The following ADGB variants were observed in gnomAD, a reference collection of about 807,000 sequenced individuals.
ADGB encodes androglobin, also known as calpain-7-like protein.
ADGB carries 172 observed loss-of-function variants against 210.5 expected under a neutral mutation model. That is an observed-to-expected ratio of 0.82 (90% confidence interval 0.72 to 0.93). The LOEUF is 0.93. Among genes scored for constraint, ADGB ranks in the 40% least tolerant of loss-of-function variants. The probability of loss-of-function intolerance (pLI) is 0.00; values close to 1 mark genes in which losing one functional copy is unlikely to be tolerated. For synonymous variants in ADGB, 658 were observed against 662.7 expected, an observed-to-expected ratio of 0.99 and a Z score of 0.11; for missense variants, 2,025 against 1,964.8, an observed-to-expected ratio of 1.03 and a Z score of -0.58.
intron 2 of ADGB, chr6:146,638,757 A>C (rs550077209): frequency 1.3e-5 from 2 of 151,994 alleles, no homozygotes; most frequent in African/African-American, 4.8e-5. Context: ...AGTATAATAA[A>C]AAAAAAACTG....
chr6:146,691,498 A>ATTT (rs1319836837), intron 11 of ADGB, among the ~76,000 whole-genome samples: 284 of 17,026 alleles, frequency 0.017, 17 homozygotes, highest in Non-Finnish European at 0.02. Context: ...ATATATATAT[A>ATTT]TATTTTTTTT....
chr6:146,687,002 T>C lies in ADGB; in HGVS notation c.1311+1174T>C, dbSNP rs185142732. On this transcript the variant is annotated intron_variant, in intron 10 of 35. Coordinates refer to ENST00000397944, the MANE Select transcript of ADGB (RefSeq NM_024694.4). ...CTGGGGGGCACGTTGCTAACATTTTTCCCTTTCTCTTTCTTCCCATTCTTT... is the reference window on the plus strand; with the variant it reads ...CTGGGGGGCACGTTGCTAACATTTTCCCCTTTCTCTTTCTTCCCATTCTTT... Among the ~76,000 whole-genome samples the C allele has an allele frequency of 4.6e-5, 7 of 152,294 alleles. No individual in the cohort carries two copies. The East Asian group carries it at 1.3e-3, about 29-fold the overall frequency.
At chr6:146,616,265 TG>T (rs1377347391) in intron 1 of ADGB, among the ~76,000 whole-genome samples, 5 of 91,230 alleles carry the variant, frequency 5.5e-5, no homozygotes, top group Admixed American at 1.2e-4. Flanking sequence ...TTGTATTATT[TG>T]GGTTTTTTTT....
intron 1 of ADGB, among the ~76,000 whole-genome samples, chr6:146,625,197 C>T (rs1335546373): frequency 6.6e-6 from 1 of 151,888 alleles, no homozygotes; most frequent in Non-Finnish European, 1.5e-5. Flanking sequence ...TATAAATATG[C>T]CTGTTGATTG....
At chr6:146,768,931 C>A in intron 28 of ADGB, 89 bp from the exon 29 acceptor site, 1 of 609,244 alleles carries the variant, frequency 1.6e-6, no homozygotes, top group Non-Finnish European at 2.7e-6. Context: ...GAAAATTCTG[C>A]ATTTATCATG....
intron 8 of ADGB, 28 bp downstream of exon 8, chr6:146,672,495 T>G (rs773323704): frequency 7.9e-6 from 12 of 1,514,728 alleles, no homozygotes; most frequent in Middle Eastern, 1.7e-4. Flanking sequence ...AAAATGTGAT[T>G]CAGTATGGAC....
chr6:146,788,566 C>T lies in ADGB; in HGVS notation c.4493C>T (p.Pro1498Leu). The T allele has an allele frequency of 6.4e-7, 1 of 1,551,648 alleles. No individual in the cohort carries two copies. The highest frequency in any genetic ancestry group is 1.2e-5 in the South Asian group (1 of 84,044). ...TSSESGGVSS[P>L]GKEEREQSTR... ...AGCGAAAGTGGAGGAGTGTCTTCAC[C>T]AGGGAAAGAAGAGCGCGAGCAGAGC... Residue 1498 changes from proline to leucine, a missense_variant, in exon 33 of 36, where the codon CCA (proline) becomes CTA (leucine). Physicochemically the swap from Pro to Leu is moderately conservative, Grantham distance 98 (BLOSUM62 -3). Transcript: ENST00000397944.
At chr6:146,653,706 G>T (rs1018642148) in intron 3 of ADGB, among the ~76,000 whole-genome samples, 27 of 152,000 alleles carry the variant, frequency 1.8e-4, no homozygotes, top group South Asian at 6.2e-4. Flanking sequence ...GTTTACCTAT[G>T]TAACAAACCC....
intron 1 of ADGB, among the ~76,000 whole-genome samples, chr6:146,626,259 G>A (rs576911502): frequency 4.3e-4 from 65 of 151,802 alleles, no homozygotes; most frequent in African/African-American, 1.1e-3. Context: ...TATAAACCTC[G>A]TATTACATCA....
intron 5 of ADGB, among the ~76,000 whole-genome samples, chr6:146,663,445 A>G (rs1162025069): frequency 6.6e-6 from 1 of 151,716 alleles, no homozygotes; most frequent in East Asian, 1.9e-4. Flanking sequence ...TGGAAGAGAA[A>G]AACTTTGGTT....
Position 146,654,124 on chromosome 6 carries a change from A to AT in ADGB, c.331-4dup. The AT allele has an allele frequency of 5.4e-6, 8 of 1,478,376 alleles. No individual in the cohort carries two copies. The highest frequency in any genetic ancestry group is 2.5e-5 in the East Asian group (1 of 40,274). 91.6% of individuals were successfully genotyped at this position (1,478,376 alleles called of 1,614,324 possible). The stretch of plus-strand genomic sequence containing the variant: ...CTTATGGAGTAATATATACATATAT[A>AT]TTTTTTTCAGACTCCAGTAGTTGTG... On this transcript the variant is annotated splice_polypyrimidine_tract_variant and intron_variant, in intron 3 of 35. Transcript: ENST00000397944.
At chr6:146,740,436 A>G in intron 23 of ADGB, 23 bp from the exon 24 acceptor site, 1 of 1,502,320 alleles carries the variant, frequency 6.7e-7, no homozygotes, top group Non-Finnish European at 8.9e-7. Context: ...CCATTGATAC[A>G]TAATTTATTT....
At chr6:146,808,681 A>G (rs951674287) in intron 35 of ADGB, among the ~76,000 whole-genome samples, 2 of 152,124 alleles carry the variant, frequency 1.3e-5, no homozygotes, top group Non-Finnish European at 2.9e-5. Context: ...TTCTACTGTT[A>G]ATCTTTGTTA....
chr6:146,796,903 C>T (rs932451607), intron 33 of ADGB, among the ~76,000 whole-genome samples: 1 of 152,102 alleles, frequency 6.6e-6, no homozygotes, highest in Non-Finnish European at 1.5e-5. Flanking sequence ...GCAGAGTAAA[C>T]AGACAACTCA....
At chr6:146,617,145 T>G (rs1408880107) in intron 1 of ADGB, among the ~76,000 whole-genome samples, 1 of 152,150 alleles carries the variant, frequency 6.6e-6, no homozygotes, top group Non-Finnish European at 1.5e-5. Flanking sequence ...TAGTTTTCTT[T>G]GTAGAGATCA....
At chr6:146,656,088 G>A (rs1332101012) in intron 4 of ADGB, among the ~76,000 whole-genome samples, 1 of 152,134 alleles carries the variant, frequency 6.6e-6, no homozygotes, top group Non-Finnish European at 1.5e-5. Context: ...ATGAAGAACT[G>A]CAACTTAGAG....
At chr6:146,606,514 T>C (rs868733090) in intron 1 of ADGB, among the ~76,000 whole-genome samples, 1 of 152,186 alleles carries the variant, frequency 6.6e-6, no homozygotes, top group African/African-American at 2.4e-5. Context: ...TCTTCTAGGG[T>C]GTTTTTTCAA....
chr6:146,705,481 C>A (rs1776556741), intron 13 of ADGB, among the ~76,000 whole-genome samples: 1 of 152,026 alleles, frequency 6.6e-6, no homozygotes, highest in African/African-American at 2.4e-5. Flanking sequence ...GTTTTTTAAT[C>A]ATAAAAGGAT....
chr6:146,651,641 G>T (rs1190940296), intron 3 of ADGB, among the ~76,000 whole-genome samples: 1 of 152,078 alleles, frequency 6.6e-6, no homozygotes, highest in Non-Finnish European at 1.5e-5. Context: ...ATATCATCTT[G>T]ACTTTGGCCT....
Sources: allele counts gnomAD v4.1 joint callset (sites outside exome capture counted in the v4.1 genomes callset), GRCh38; gene constraint gnomAD v4.1.1; transcripts MANE v1.5; gene names NCBI Gene and HGNC (gene_info 2026-07-23, HGNC 2026-07-21).